IFT172: variants seen among roughly 807,000 people sequenced by gnomAD.
IFT172 encodes intraflagellar transport protein 172 homolog.
Under a neutral mutation model 248.9 loss-of-function variants are expected in IFT172, and 164 were observed. The ratio of observed to expected loss-of-function variants is 0.66; its 90% CI spans 0.58 to 0.75. The LOEUF (loss-of-function observed/expected upper bound fraction) is 0.75, where lower values mean the gene tolerates loss of function less well. Among genes scored for constraint, IFT172 ranks in the 30% least tolerant of loss-of-function variants. The pLI is 0.00. For synonymous variants in IFT172, 729 were observed against 791.6 expected, an observed-to-expected ratio of 0.92 and a Z score of 1.33; for missense variants, 1,950 against 2,192.4, an observed-to-expected ratio of 0.89 and a Z score of 2.21.
chr2:27,479,082 G>A (rs1453125651), intron 10 of IFT172, among the ~76,000 whole-genome samples: 2 of 152,012 alleles, frequency 1.3e-5, no homozygotes, highest in Non-Finnish European at 2.9e-5. Flanking sequence ...TCAGCTCACT[G>A]CAAGCTCCGC....
chr2:27,446,229 A>G (rs369307448), intron 43 of IFT172, 31 bp downstream of exon 43: 6 of 1,602,960 alleles, frequency 3.7e-6, no homozygotes, highest in Non-Finnish European at 2.6e-6. Flanking sequence ...ACTTCCTCCT[A>G]TCTGCCCCAC....
chr2:27,477,479 C>G (rs1035168051), intron 12 of IFT172, 80 bp downstream of exon 12: 1 of 1,255,466 alleles, frequency 8.0e-7, no homozygotes, highest in South Asian at 1.2e-5. Context: ...TTCCCTATCC[C>G]TTGCAACTTG....
intron 29 of IFT172, among the ~76,000 whole-genome samples, chr2:27,457,054 A>G (rs535526594): frequency 1.3e-5 from 2 of 152,168 alleles, no homozygotes; most frequent in South Asian, 2.1e-4. Context: ...CAAAAAATAA[A>G]ATAAAATAAA....
intron 29 of IFT172, 149 bp downstream of exon 29, chr2:27,457,490 G>C (rs540394957): frequency 2.3e-4 from 152 of 658,276 alleles, no homozygotes; most frequent in Non-Finnish European, 3.6e-4. Flanking sequence ...AGGATCGAGT[G>C]CTTAAGCCCA....
intron 18 of IFT172, 192 bp downstream of exon 18, chr2:27,465,219 C>T: frequency 3.3e-6 from 2 of 601,850 alleles, no homozygotes. Context: ...CACGCCTGGT[C>T]AAGGCATACT....
At chr2:27,470,319 GAAAGAA>G (rs1667465247) in intron 16 of IFT172, among the ~76,000 whole-genome samples, 1 of 151,356 alleles carries the variant, frequency 6.6e-6, no homozygotes, top group Non-Finnish European at 1.5e-5. Flanking sequence ...GAGAGAAAGA[GAAAGAA>G]AAAGAAAGAA....
At position 27,469,827 on chromosome 2, in the gene IFT172, C is replaced by G. The variant is rs181372524; in HGVS notation, c.1692+1101G>C. Among the ~76,000 whole-genome samples, 19 of 151,372 alleles carry G rather than the reference C, an allele frequency of 1.3e-4. No homozygotes were observed. In the East Asian group the frequency reaches 1.6e-3, roughly 13 times the overall value. ...AGCCTGGGTGACAGAGAGACTCTGT[C>G]TCAAATAAAATAAAATAATCATGCC... On this transcript the variant is annotated intron_variant, in intron 16 of 47. Coordinates refer to ENST00000260570, the MANE Select transcript of IFT172 (RefSeq NM_015662.3).
intron 35 of IFT172, among the ~76,000 whole-genome samples, chr2:27,450,486 T>C (rs1316079531): frequency 6.6e-6 from 1 of 152,260 alleles, no homozygotes; most frequent in Non-Finnish European, 1.5e-5. Context: ...TGGGCTTTTA[T>C]GAACTTGTTT....
chr2:27,445,213 T>C lies in IFT172; in HGVS notation c.5068+83A>G. 1 of 1,581,672 alleles carries C rather than the reference T, an allele frequency of 6.3e-7. No homozygotes were observed. Among genetic ancestry groups the C allele is most frequent in the East Asian group, 2.2e-5 (1 of 44,482 alleles). ...GCACAGTCCTGTCTTTTGTACCCTTTACTGAATCCTAGTAAAATTAAGTTT... is the reference window on the plus strand; with the variant it reads ...GCACAGTCCTGTCTTTTGTACCCTTCACTGAATCCTAGTAAAATTAAGTTT... On this transcript the variant is annotated intron_variant, in intron 46 of 47. Transcript: ENST00000260570. This position sits in a 1 kb window ranked among gnomAD's most constrained non-coding sequence, Gnocchi z 4.4.
At position 27,459,980 on chromosome 2, in the gene IFT172, G is replaced by T. The variant is rs1274712086; in HGVS notation, c.2522-151C>A. 8 of 972,192 alleles carry T rather than the reference G, an allele frequency of 8.2e-6. No homozygotes were observed. The Admixed American group carries it at 1.4e-4, about 17-fold the overall frequency. 60.2% of individuals were successfully genotyped at this position (972,192 alleles called of 1,614,324 possible). ...ATCCTGAACACACGCACCAAGAGGT[G>T]TGGGGAAAAGCAAGAGAGATCAGAT... On this transcript the variant is annotated intron_variant, in intron 23 of 47. Transcript: ENST00000260570.
rs1488801443 is a variant in IFT172, at chr2:27,445,492, G to A, written c.4915-43C>T. The A allele has an allele frequency of 2.6e-5, 41 of 1,583,706 alleles. No homozygotes were observed. The highest frequency in any genetic ancestry group is 3.4e-5 in the Non-Finnish European group (39 of 1,162,986). ...GGAGTGGTAGCTTCACACAGGGCAGGGCAGGACAAGTTGGGGTGGATGGGT... is the reference window on the plus strand; with the variant it reads ...GGAGTGGTAGCTTCACACAGGGCAGAGCAGGACAAGTTGGGGTGGATGGGT... On this transcript the variant is annotated intron_variant, in intron 45 of 47. Coordinates refer to ENST00000260570, the MANE Select transcript of IFT172 (RefSeq NM_015662.3). This position sits in a 1 kb window ranked among gnomAD's most constrained non-coding sequence, Gnocchi z 4.4.
Position 27,447,547 on chromosome 2 carries a change from T to C in IFT172, c.4627A>G (p.Thr1543Ala), listed in dbSNP as rs769170592. ...TTGACACTCTGGGCTGCAGAGCGCG[T>C]GGCATAGTAATGAGCGATCAGCAGC... ...TMLLIAHYYA[T>A]RSAAQSVKQL... Residue 1543 changes from threonine to alanine, a missense_variant, in exon 42 of 48, where the codon ACG becomes GCG. Thr to Ala is a moderately conservative substitution (Grantham distance 58). Transcript: ENST00000260570. The C allele has an allele frequency of 1.9e-6, 3 of 1,613,990 alleles. No individual in the cohort carries two copies. In the African/African-American group the frequency reaches 4.0e-5, roughly 22 times the overall value.
Position 27,457,849 on chromosome 2 carries a change from G to C in IFT172, c.3103C>G (p.Leu1035Val). ...PDLLSDTHLH[L>V]GKELEAEGRL... ...CCAGGAGAAGGGCTCACCTTGCCCA[G>C]ATGTAGGTGTGTATCACTGAGGAGA... The change falls in exon 28 of 48, where the codon CTG becomes GTG. Residue 1035 changes from leucine (L) to valine (V), a missense_variant. By Grantham distance (32) the Leu-to-Val change is conservative (BLOSUM62 1). Around this residue, in one of 3 missense-constraint regions of IFT172, gnomAD observed 164 missense variants for 239.3 expected, o/e 0.69. Coordinates refer to ENST00000260570, the MANE Select transcript of IFT172 (RefSeq NM_015662.3). 1 of 1,614,164 alleles carries C rather than the reference G, an allele frequency of 6.2e-7. No homozygotes were observed.
At position 27,462,796 on chromosome 2, in the gene IFT172, G is replaced by A. The variant is rs191113326; in HGVS notation, c.2023-3C>T. ...TAAAAGTCTGTTCCTTCTCCGCCCT[G>A]TGGGGGAAAAAGGAGGTTCTGATTT... On this transcript the variant is annotated splice_polypyrimidine_tract_variant and splice_region_variant and intron_variant, in intron 19 of 47. Transcript: ENST00000260570. 1.9e-6 allele frequency: 3 copies of A among 1,613,742 alleles called. No homozygotes were observed. Among genetic ancestry groups the A allele is most frequent in the Non-Finnish European group, 1.7e-6 (2 of 1,179,904 alleles).
chr2:27,447,090 G>A (rs970925144), intron 42 of IFT172, among the ~76,000 whole-genome samples: 7 of 152,210 alleles, frequency 4.6e-5, no homozygotes, highest in African/African-American at 1.4e-4. Flanking sequence ...TGATCCACCC[G>A]CCTCGGCCTC....
At chr2:27,471,129 A>AG in intron 15 of IFT172, 34 bp from the exon 16 acceptor site, 2 of 1,601,502 alleles carry the variant, frequency 1.2e-6, no homozygotes, top group African/African-American at 1.3e-5. Flanking sequence ...CACAATTACA[A>AG]GGGGATGTGG....
rs777341016 is a variant in IFT172, at chr2:27,463,075, G to C, written c.2022+22C>G. On this transcript the variant is annotated intron_variant, in intron 19 of 47. Transcript: ENST00000260570. ...AATCAGCTTGGGAGACAGACAGAAT[G>C]AATCAGGAGCATAATACTTGCATAT... is the stretch of plus-strand genomic sequence containing the variant. 3.1e-6 allele frequency: 5 copies of C among 1,608,470 alleles called. No individual in the cohort carries two copies. The African/African-American group carries it at 4.0e-5, about 13-fold the overall frequency.
At chr2:27,453,217 C>A (rs755368501) in intron 35 of IFT172, 167 bp downstream of exon 35, 2 of 924,410 alleles carry the variant, frequency 2.2e-6, no homozygotes, top group East Asian at 2.4e-5. Flanking sequence ...ACTTTTATAG[C>A]CTTCAGAGGT....
At chr2:27,470,857 T>C (rs1430890149) in intron 16 of IFT172, 71 bp downstream of exon 16, 1 of 1,434,026 alleles carries the variant, frequency 7.0e-7, no homozygotes, top group Non-Finnish European at 9.3e-7. Context: ...CCAAGTAGCC[T>C]TCAGAGTCTC....
Sources: allele counts gnomAD v4.1 joint callset (sites outside exome capture counted in the v4.1 genomes callset), GRCh38; gene constraint gnomAD v4.1.1; regional missense constraint gnomAD v4.1.1; non-coding constraint Gnocchi (gnomAD v3.1); transcripts MANE v1.5; gene names NCBI Gene and HGNC (gene_info 2026-07-23, HGNC 2026-07-21).